The following USP8 variants were observed in gnomAD, a reference collection of about 807,000 sequenced individuals.
The protein encoded by USP8 is ubiquitin specific peptidase 8, also known as ubiquitin carboxyl-terminal hydrolase 8.
A neutral mutation model predicts 130.0 loss-of-function variants in USP8; 27 were observed. The observed-to-expected ratio is 0.21, with a 90% confidence interval of 0.15 to 0.29. The LOEUF is 0.29. Among genes scored for constraint, USP8 ranks in the 10% least tolerant of loss-of-function variants. The pLI, the probability that USP8 is intolerant of heterozygous loss-of-function variation, is 1.00. For synonymous variants in USP8, 392 were observed against 444.1 expected, an observed-to-expected ratio of 0.88 and a Z score of 1.48; for missense variants, 1,029 against 1,312.2, an observed-to-expected ratio of 0.78 and a Z score of 3.33.
Position 50,509,683 on chromosome 15 carries a change from G to A in USP8, c.*10595G>A, listed in dbSNP as rs2052713936. ...ATAAAATAAAATAAAATAAAAAAGA[G>A]ACAAGTCAACGATAAAATTAAAAAT... On this transcript the variant is annotated 3_prime_UTR_variant, in exon 20 of 20. Coordinates refer to ENST00000307179, the MANE Select transcript of USP8 (RefSeq NM_005154.5). 1 of 151,696 alleles carries A rather than the reference G, an allele frequency of 6.6e-6. No individual in the cohort carries two copies. The highest frequency in any genetic ancestry group is 2.1e-4 in the South Asian group (1 of 4,820). The allele number at this position is 151,696 out of a possible 1,614,324, so 9.4% of individuals were successfully genotyped here.
chr15:50,505,463 G>C lies in USP8; in HGVS notation c.*6375G>C, dbSNP rs1448044243. 2.6e-5 allele frequency: 4 copies of C among 152,170 alleles called. No homozygotes were observed. The highest frequency in any genetic ancestry group is 9.7e-5 in the African/African-American group (4 of 41,444). The allele number at this position is 152,170 out of a possible 1,614,324, so 9.4% of individuals were successfully genotyped here. ...GAAAGTGAATTAAAGACTTCTCAAA[G>C]ACTGAGAGACTTCAGGATAACAGAC... On this transcript the variant is annotated 3_prime_UTR_variant, in exon 20 of 20. Transcript: ENST00000307179.
intron 1 of USP8, chr15:50,432,602 T>G (rs1006879659): frequency 1.3e-5 from 2 of 152,248 alleles, no homozygotes; most frequent in Admixed American, 1.3e-4. Context: ...GGACCATACT[T>G]GGAGTTACAT....
chr15:50,483,061 A>G (rs1046427657), intron 11 of USP8, among the ~76,000 whole-genome samples: 1 of 152,248 alleles, frequency 6.6e-6, no homozygotes, highest in African/African-American at 2.4e-5. Flanking sequence ...GGAGCAAAAC[A>G]TGTGCACTCC....
At chr15:50,466,994 C>T (rs2051213823) in intron 7 of USP8, 2 of 504,778 alleles carry the variant, frequency 4.0e-6, no homozygotes, top group South Asian at 2.5e-5. Flanking sequence ...TGAGAATCCA[C>T]AAACAACTCA....
intron 3 of USP8, among the ~76,000 whole-genome samples, chr15:50,442,689 G>A (rs1291858075): frequency 1.3e-5 from 2 of 152,188 alleles, no homozygotes; most frequent in Admixed American, 6.5e-5. Context: ...AGGTTGCAGT[G>A]AGCCGAGATT....
chr15:50,434,299 C>T (rs147635080), intron 1 of USP8, among the ~76,000 whole-genome samples: 56 of 151,984 alleles, frequency 3.7e-4, no homozygotes, highest in African/African-American at 1.2e-3. Context: ...GATGAGGTTT[C>T]ACCATGTTGG....
chr15:50,510,816 T>A lies in USP8; in HGVS notation c.*11728T>A, dbSNP rs1033762662. ...TTTAGAGATGGAGTCTCGCTCTGTC[T>A]CCCAGGCTGGAGTGCAGTGGCGCTA... On this transcript the variant is annotated 3_prime_UTR_variant, in exon 20 of 20. Coordinates refer to ENST00000307179, the MANE Select transcript of USP8 (RefSeq NM_005154.5). 1 of 152,048 alleles carries A rather than the reference T, an allele frequency of 6.6e-6. No homozygotes were observed. Among genetic ancestry groups the A allele is most frequent in the African/African-American group, 2.4e-5 (1 of 41,378 alleles). 9.4% of individuals were successfully genotyped at this position (152,048 alleles called of 1,614,324 possible). A position where few individuals can be genotyped will look rare whatever the true frequency, so the allele number is the denominator to read the frequency against.
At chr15:50,437,620 C>T (rs1240156001) in intron 1 of USP8, among the ~76,000 whole-genome samples, 1 of 152,198 alleles carries the variant, frequency 6.6e-6, no homozygotes, top group African/African-American at 2.4e-5. Flanking sequence ...GCTAAGTCTC[C>T]TGATGATTTG....
intron 1 of USP8, among the ~76,000 whole-genome samples, chr15:50,429,657 G>A (rs2049866805): frequency 6.6e-6 from 1 of 152,132 alleles, no homozygotes; most frequent in Admixed American, 6.6e-5. Context: ...ACAACATAGT[G>A]AGACTCTGTA....
chr15:50,456,818 G>A (rs572373776), intron 4 of USP8, among the ~76,000 whole-genome samples: 3 of 152,178 alleles, frequency 2.0e-5, no homozygotes, highest in Non-Finnish European at 4.4e-5. Context: ...CCTGGAAGGT[G>A]GAGGTTGCAG....
intron 1 of USP8, among the ~76,000 whole-genome samples, chr15:50,425,697 A>G (rs1016070613): frequency 5.3e-5 from 8 of 152,242 alleles, no homozygotes; most frequent in Non-Finnish European, 1.2e-4. Flanking sequence ...GAAATTTTGC[A>G]CATAGACATC....
At chr15:50,432,107 A>G (rs569944381) in intron 1 of USP8, among the ~76,000 whole-genome samples, 3 of 152,330 alleles carry the variant, frequency 2.0e-5, no homozygotes, top group South Asian at 4.1e-4. Flanking sequence ...TATTTAAGGA[A>G]TGATATAGAT....
At chr15:50,493,343 A>G (rs1018841953) in intron 15 of USP8, 3 of 520,620 alleles carry the variant, frequency 5.8e-6, no homozygotes, top group African/African-American at 3.8e-5. Flanking sequence ...GTAGGGCTAC[A>G]GTATGTGAAT....
intron 7 of USP8, among the ~76,000 whole-genome samples, chr15:50,468,749 T>G (rs886835616): frequency 2.0e-5 from 3 of 152,162 alleles, no homozygotes; most frequent in African/African-American, 7.2e-5. Context: ...TTTCCTTCTT[T>G]GTGTTCATAA....
At chr15:50,487,836 G>A (rs1488630501) in intron 12 of USP8, among the ~76,000 whole-genome samples, 1 of 152,168 alleles carries the variant, frequency 6.6e-6, no homozygotes, top group Non-Finnish European at 1.5e-5. Flanking sequence ...CTCTAGCACT[G>A]TGCTAAATGC....
intron 12 of USP8, among the ~76,000 whole-genome samples, chr15:50,486,497 G>C (rs967155688): frequency 6.6e-6 from 1 of 151,688 alleles, no homozygotes; most frequent in East Asian, 1.9e-4. Context: ...TCAAACAAAA[G>C]GGGAAAAAAT....
intron 6 of USP8, among the ~76,000 whole-genome samples, chr15:50,464,485 TA>T (rs1235073481): frequency 6.6e-6 from 1 of 152,222 alleles, no homozygotes; most frequent in Admixed American, 6.5e-5. Flanking sequence ...ATACCAGGTG[TA>T]GCTGTAAACT....
At chr15:50,479,212 A>C (rs1331170504) in intron 10 of USP8, among the ~76,000 whole-genome samples, 1 of 152,222 alleles carries the variant, frequency 6.6e-6, no homozygotes, top group Non-Finnish European at 1.5e-5. Context: ...AGCAAGGAGA[A>C]TATTCTAGCT....
chr15:50,427,680 C>T (rs1467959569), intron 1 of USP8, among the ~76,000 whole-genome samples: 1 of 150,752 alleles, frequency 6.6e-6, no homozygotes, highest in Non-Finnish European at 1.5e-5. Context: ...CTGCTTCAGC[C>T]TCCCGAGTAG....
Sources: gnomAD v4.1 joint callset for allele counts (sites outside exome capture counted in the v4.1 genomes callset) on GRCh38, gnomAD v4.1.1 for gene constraint, MANE v1.5 for transcripts, NCBI Gene and HGNC (gene_info 2026-07-23, HGNC 2026-07-21) for gene names.